The following CMSS1 variants were observed in gnomAD, a reference collection of about 807,000 sequenced individuals.
CMSS1 encodes the protein cms1 ribosomal small subunit homolog, also known as protein CMSS1.
A neutral mutation model predicts 43.5 loss-of-function variants in CMSS1; 33 were observed. The ratio of observed to expected loss-of-function variants is 0.76; its 90% CI spans 0.57 to 1.01. The LOEUF is 1.01. Ranked by LOEUF, CMSS1 falls within the 50% of genes least tolerant of loss-of-function variation. CMSS1 has a pLI of 0.00. For synonymous variants in CMSS1, 115 were observed against 117.2 expected (o/e 0.98, Z 0.12); for missense variants, 313 against 326.4 (o/e 0.96, Z 0.32).
At chr3:100,007,481 A>G (rs1462284940) in intron 1 of CMSS1, among the ~76,000 whole-genome samples, 2 of 152,176 alleles carry the variant, frequency 1.3e-5, no homozygotes, top group African/African-American at 4.8e-5. Context: ...AATGAGAGAA[A>G]TCAAATCATG....
chr3:99,993,207 G>T (rs1709574091), intron 1 of CMSS1, among the ~76,000 whole-genome samples: 3 of 151,930 alleles, frequency 2.0e-5, no homozygotes, highest in African/African-American at 7.3e-5. Flanking sequence ...AATGACATTG[G>T]TGATCTGATA....
chr3:100,177,682 A>G (rs1056831665), intron 9 of CMSS1, among the ~76,000 whole-genome samples: 44 of 152,320 alleles, frequency 2.9e-4, no homozygotes, highest in African/African-American at 1.1e-3. Flanking sequence ...TCCTTCATTT[A>G]TATAAATATT....
At chr3:100,014,205 T>TTA (rs1484837961) in intron 1 of CMSS1, among the ~76,000 whole-genome samples, 12 of 151,002 alleles carry the variant, frequency 7.9e-5, no homozygotes, top group Non-Finnish European at 1.2e-4. Context: ...TATATATATA[T>TTA]TATATATATA....
chr3:100,070,831 A>G (rs1278620097), intron 1 of CMSS1, among the ~76,000 whole-genome samples: 1 of 152,154 alleles, frequency 6.6e-6, no homozygotes, highest in Non-Finnish European at 1.5e-5. Context: ...GGGTCTCACC[A>G]TGTTGGCCAG....
intron 1 of CMSS1, among the ~76,000 whole-genome samples, chr3:100,062,302 G>A (rs185300564): frequency 2.3e-3 from 354 of 151,456 alleles, no homozygotes; most frequent in Non-Finnish European, 4.1e-3. Flanking sequence ...TAGTGGAGAC[G>A]AGGTTTCACC....
At chr3:99,992,774 G>C (rs1011234701) in intron 1 of CMSS1, among the ~76,000 whole-genome samples, 4 of 151,478 alleles carry the variant, frequency 2.6e-5, no homozygotes, top group African/African-American at 9.7e-5. Flanking sequence ...CTTAGGTTTT[G>C]TTCTAAGGTT....
chr3:99,968,118 G>A (rs960225277), intron 1 of CMSS1, among the ~76,000 whole-genome samples: 8 of 152,168 alleles, frequency 5.3e-5, no homozygotes, highest in Non-Finnish European at 8.8e-5. Flanking sequence ...GTGATCAAGG[G>A]CACCTAGCCT....
At chr3:100,160,595 C>T in intron 3 of CMSS1, 94 bp downstream of exon 3, 1 of 646,238 alleles carries the variant, frequency 1.5e-6, no homozygotes, top group Non-Finnish European at 2.8e-6. Context: ...ATTGTAATCC[C>T]CACCTAAGAG....
At chr3:99,940,136 C>T (rs1707809930) in intron 1 of CMSS1, among the ~76,000 whole-genome samples, 1 of 152,162 alleles carries the variant, frequency 6.6e-6, no homozygotes, top group African/African-American at 2.4e-5. Context: ...TCCAAGTTTT[C>T]CATTACAAAT....
chr3:99,854,494 A>C (rs1018874200), intron 1 of CMSS1, among the ~76,000 whole-genome samples: 18 of 152,080 alleles, frequency 1.2e-4, no homozygotes, highest in Admixed American at 6.6e-4. Context: ...TCCTTTTTCC[A>C]TTAATAGTTC....
chr3:99,959,805 A>G (rs1708440410), intron 1 of CMSS1, among the ~76,000 whole-genome samples: 1 of 152,208 alleles, frequency 6.6e-6, no homozygotes, highest in African/African-American at 2.4e-5. Flanking sequence ...GGATTGTACT[A>G]ATGTAATTTT....
intron 2 of CMSS1, chr3:100,159,715 C>G: frequency 3.9e-6 from 1 of 255,900 alleles, no homozygotes; most frequent in South Asian, 4.5e-5. Flanking sequence ...AGGTCTTAGT[C>G]CAAATTTCCT....
At chr3:99,892,814 C>G (rs1045797918) in intron 1 of CMSS1, among the ~76,000 whole-genome samples, 1 of 152,212 alleles carries the variant, frequency 6.6e-6, no homozygotes, top group African/African-American at 2.4e-5. Context: ...ATAAATCAAT[C>G]AGATTTTATC....
At chr3:100,064,455 G>C (rs577493680) in intron 1 of CMSS1, among the ~76,000 whole-genome samples, 1 of 151,022 alleles carries the variant, frequency 6.6e-6, no homozygotes, top group Non-Finnish European at 1.5e-5. Context: ...GTTCGTGTTT[G>C]CCAGCCCCTT....
chr3:100,101,435 G>A (rs1457785118), intron 1 of CMSS1, among the ~76,000 whole-genome samples: 3 of 152,080 alleles, frequency 2.0e-5, no homozygotes, highest in Non-Finnish European at 4.4e-5. Context: ...AAAGTAGATC[G>A]GGTTAGAAGA....
At chr3:100,172,191 C>A in intron 7 of CMSS1, 125 bp from the exon 8 acceptor site, 1 of 827,442 alleles carries the variant, frequency 1.2e-6, no homozygotes, top group Non-Finnish European at 1.9e-6. Flanking sequence ...GGAAGTCGAC[C>A]CTACACAAGG....
chr3:99,858,846 T>C (rs1342542746), intron 1 of CMSS1, among the ~76,000 whole-genome samples: 2 of 152,226 alleles, frequency 1.3e-5, no homozygotes, highest in Admixed American at 1.3e-4. Context: ...AGTGGCAAAT[T>C]TGTCTTTCTC....
intron 1 of CMSS1, among the ~76,000 whole-genome samples, chr3:100,067,318 C>T (rs1352747476): frequency 6.6e-6 from 1 of 152,196 alleles, no homozygotes; most frequent in African/African-American, 2.4e-5. Flanking sequence ...TTATTCTGGC[C>T]TACCTATGGT....
chr3:99,975,156 CT>C lies in CMSS1; in HGVS notation c.64+157114del, dbSNP rs566512516. Reference sequence around the variant, plus strand: ...ATTCAACTTCCACCTGCTTCTGTTCCTCCCCGCTCCAATCTACCAGATTCCT... The same window carrying C: ...ATTCAACTTCCACCTGCTTCTGTTCCCCCCGCTCCAATCTACCAGATTCCT... On this transcript the variant is annotated intron_variant, in intron 1 of 9. Transcript: ENST00000421999. 1.8e-3 allele frequency among the ~76,000 whole-genome samples: 273 copies of C among 152,302 alleles called. 2 individuals carry two copies. Among genetic ancestry groups the C allele is most frequent in the Non-Finnish European group, 2.2e-3 (148 of 68,022 alleles).
Sources: allele counts gnomAD v4.1 joint callset (sites outside exome capture counted in the v4.1 genomes callset), GRCh38; gene constraint gnomAD v4.1.1; transcripts MANE v1.5; gene names NCBI Gene and HGNC (gene_info 2026-07-23, HGNC 2026-07-21).